Variants in RERG observed in about 807,000 individuals in gnomAD.
RERG encodes the protein ras-related and estrogen-regulated growth inhibitor.
Under a neutral mutation model 23.2 loss-of-function variants are expected in RERG, and 25 were observed. That is an observed-to-expected ratio of 1.08 (90% CI 0.79 to 1.50). The LOEUF is 1.50. RERG is among the 40% of genes most tolerant of loss of function. RERG has a pLI of 0.00. For synonymous variants in RERG, 81 were observed against 89.1 expected, an observed-to-expected ratio of 0.91 and a Z score of 0.51; for missense variants, 253 against 250.1, an observed-to-expected ratio of 1.01 and a Z score of -0.08.
At chr12:15,159,430 T>C (rs1379839682) in intron 2 of RERG, among the ~76,000 whole-genome samples, 1 of 152,242 alleles carries the variant, frequency 6.6e-6, no homozygotes, top group African/African-American at 2.4e-5. Flanking sequence ...TTGATTTAAC[T>C]ATATATTTTA....
chr12:15,130,483 G>C (rs1373174564), intron 2 of RERG, among the ~76,000 whole-genome samples: 1 of 151,930 alleles, frequency 6.6e-6, no homozygotes, highest in Non-Finnish European at 1.5e-5. Context: ...GATTATTTCT[G>C]AAGGAACCCT....
chr12:15,172,492 A>G (rs1054475841), intron 2 of RERG, among the ~76,000 whole-genome samples: 1 of 152,118 alleles, frequency 6.6e-6, no homozygotes, highest in Non-Finnish European at 1.5e-5. Flanking sequence ...ATATGTATCT[A>G]GAAGCAGAAT....
intron 2 of RERG, among the ~76,000 whole-genome samples, chr12:15,133,183 A>ATATATATAT (rs1864084830): frequency 6.9e-6 from 1 of 144,404 alleles, no homozygotes; most frequent in African/African-American, 2.6e-5. Context: ...ATGTACATGT[A>ATATATATAT]ACTATTATAG....
intron 2 of RERG, among the ~76,000 whole-genome samples, chr12:15,134,355 A>G (rs1297634676): frequency 1.3e-5 from 2 of 151,870 alleles, no homozygotes; most frequent in African/African-American, 4.8e-5. Context: ...TTCCAACATC[A>G]TTTGTTAAAA....
intron 2 of RERG, among the ~76,000 whole-genome samples, chr12:15,150,179 T>C (rs1864415189): frequency 6.6e-6 from 1 of 152,216 alleles, no homozygotes; most frequent in Non-Finnish European, 1.5e-5. Context: ...AAAGATGCAG[T>C]GATGATATCT....
chr12:15,185,550 T>C (rs1391453211), intron 2 of RERG, among the ~76,000 whole-genome samples: 2 of 152,138 alleles, frequency 1.3e-5, no homozygotes, highest in Admixed American at 6.5e-5. Flanking sequence ...ATGAAAGTAA[T>C]TGCGTCATTT....
chr12:15,129,175 T>A (rs1439180346), intron 2 of RERG, among the ~76,000 whole-genome samples: 1 of 152,092 alleles, frequency 6.6e-6, no homozygotes, highest in Non-Finnish European at 1.5e-5. Context: ...TTATGCCAGT[T>A]TGGAATATTG....
intron 2 of RERG, among the ~76,000 whole-genome samples, chr12:15,183,477 A>G (rs568405718): frequency 2.6e-5 from 4 of 152,264 alleles, no homozygotes; most frequent in African/African-American, 9.6e-5. Context: ...TAGATAAAAA[A>G]GGCATTTATC....
At chr12:15,187,675 C>A (rs1210319315) in intron 2 of RERG, among the ~76,000 whole-genome samples, 1 of 151,874 alleles carries the variant, frequency 6.6e-6, no homozygotes, top group Non-Finnish European at 1.5e-5. Context: ...TCTCCTGCCT[C>A]GGCCTCCCGA....
intron 2 of RERG, among the ~76,000 whole-genome samples, chr12:15,197,503 G>A (rs1203134751): frequency 6.6e-6 from 1 of 152,138 alleles, no homozygotes; most frequent in Non-Finnish European, 1.5e-5. Flanking sequence ...CATGCTTTGG[G>A]AAAGTTGTTA....
At chr12:15,153,301 C>T (rs867810844) in intron 2 of RERG, among the ~76,000 whole-genome samples, 30 of 152,264 alleles carry the variant, frequency 2.0e-4, no homozygotes, top group Middle Eastern at 6.8e-3. Context: ...TTAGAGAACA[C>T]AGCTAACCAT....
At chr12:15,219,838 A>T (rs529697526) in intron 1 of RERG, among the ~76,000 whole-genome samples, 23 of 152,300 alleles carry the variant, frequency 1.5e-4, no homozygotes, top group African/African-American at 5.3e-4. Context: ...ATGTGATTTT[A>T]AAAAAATGAC....
chr12:15,114,327 T>C (rs962756732), intron 3 of RERG, among the ~76,000 whole-genome samples: 4 of 152,090 alleles, frequency 2.6e-5, no homozygotes, highest in African/African-American at 9.7e-5. Context: ...GAGAACATAT[T>C]TGAAACATGA....
chr12:15,133,143 GGA>G (rs1491128833), intron 2 of RERG, among the ~76,000 whole-genome samples: 41 of 63,032 alleles, frequency 6.5e-4, no homozygotes, highest in African/African-American at 1.9e-3. Flanking sequence ...TATATCCTGT[GGA>G]GATATATATA....
intron 2 of RERG, among the ~76,000 whole-genome samples, chr12:15,133,144 GAGATATAT>G (rs1409506602): frequency 3.9e-4 from 23 of 59,220 alleles, no homozygotes; most frequent in African/African-American, 1.6e-3. Flanking sequence ...ATATCCTGTG[GAGATATAT>G]ATATATATAT....
chr12:15,163,513 A>T (rs1301267507), intron 2 of RERG, among the ~76,000 whole-genome samples: 1 of 151,472 alleles, frequency 6.6e-6, no homozygotes, highest in Non-Finnish European at 1.5e-5. Flanking sequence ...TAATAGTCAG[A>T]TGGTCTCTGC....
chr12:15,158,011 C>T (rs1427729060), intron 2 of RERG, among the ~76,000 whole-genome samples: 1 of 152,044 alleles, frequency 6.6e-6, no homozygotes, highest in African/African-American at 2.4e-5. Flanking sequence ...CATTTTGCCT[C>T]CTTACATTTA....
chr12:15,156,319 G>A (rs902986296), intron 2 of RERG, among the ~76,000 whole-genome samples: 7 of 152,146 alleles, frequency 4.6e-5, no homozygotes, highest in African/African-American at 1.7e-4. Flanking sequence ...TAGATGAAAT[G>A]TTTTCCCATA....
chr12:15,126,212 C>T (rs905488173), intron 2 of RERG, among the ~76,000 whole-genome samples: 2 of 144,124 alleles, frequency 1.4e-5, no homozygotes, highest in Non-Finnish European at 1.5e-5. Context: ...AAAAATGCAT[C>T]GTCTAGTCTC....
Sources: allele counts gnomAD v4.1 joint callset (sites outside exome capture counted in the v4.1 genomes callset), GRCh38; gene constraint gnomAD v4.1.1; transcripts MANE v1.5; gene names NCBI Gene and HGNC (gene_info 2026-07-23, HGNC 2026-07-21).